The following NACC2 variants were observed in gnomAD, a reference collection of about 807,000 sequenced individuals.
The protein encoded by NACC2 is NACC family member 2.
In NACC2, 8 loss-of-function variants were observed where a neutral mutation model predicts 25.1. The ratio of observed to expected loss-of-function variants is 0.32; its 90% CI spans 0.19 to 0.57. NACC2 has a LOEUF of 0.57. NACC2 is among the 20% of genes least tolerant of loss of function. The probability of loss-of-function intolerance (pLI) is 0.89; values close to 1 mark genes in which losing one functional copy is unlikely to be tolerated. For missense variants in NACC2, 644 were observed against 650.2 expected (o/e 0.99, Z 0.10); for synonymous variants, 435 against 294.7 (o/e 1.48, Z -4.88).
At chr9:136,082,554 C>G (rs1830334999) in intron 1 of NACC2, among the ~76,000 whole-genome samples, 1 of 152,212 alleles carries the variant, frequency 6.6e-6, no homozygotes, top group Admixed American at 6.5e-5. Context: ...GGGTCTGGCC[C>G]TCGGAGCCCG....
intron 1 of NACC2, among the ~76,000 whole-genome samples, chr9:136,051,488 G>A (rs1410039393): frequency 1.3e-5 from 2 of 152,186 alleles, no homozygotes; most frequent in Non-Finnish European, 2.9e-5. Context: ...GGAGGGCGCC[G>A]CTGTTTATCT....
intron 2 of NACC2, among the ~76,000 whole-genome samples, chr9:136,023,811 A>AG (rs1173494913): frequency 1.3e-5 from 2 of 152,254 alleles, no homozygotes; most frequent in Non-Finnish European, 2.9e-5. Flanking sequence ...GGTCACTGTG[A>AG]AGACACTAGC....
At chr9:136,056,395 C>T (rs1024883706) in intron 1 of NACC2, among the ~76,000 whole-genome samples, 1 of 152,166 alleles carries the variant, frequency 6.6e-6, no homozygotes, top group South Asian at 2.1e-4. Flanking sequence ...GTGCTCACCT[C>T]CCCGCTACTG....
At position 136,049,828 on chromosome 9, in the gene NACC2, G is replaced by C; in HGVS notation, c.694C>G (p.Leu232Val). 2 of 724,706 alleles carry C rather than the reference G, an allele frequency of 2.8e-6. No homozygotes were observed. Among genetic ancestry groups the C allele is most frequent in the South Asian group, 2.9e-5 (2 of 69,420 alleles). The allele number at this position is 724,706 out of a possible 1,614,324, so 44.9% of individuals were successfully genotyped here. A position where few individuals can be genotyped will look rare whatever the true frequency, so the allele number is the denominator to read the frequency against. Reference sequence around the variant, plus strand: ...GGCATCTGCTGGATGCCGGGGATGAGGGTGGCCAGGCTGGGCACCCCGTAG... The same window carrying C: ...GGCATCTGCTGGATGCCGGGGATGACGGTGGCCAGGCTGGGCACCCCGTAG... ...SYYGVPSLAT[L>V]IPGIQQMPYP... is the part of the protein sequence containing the mutation. Residue 232 changes from leucine (L) to valine (V), a missense_variant, in exon 2 of 6, where the codon CTC becomes GTC. Transcript: ENST00000277554.
rs978723036 is a variant in NACC2 at position 136,016,518 on chromosome 9, G to A, written c.887-89C>T. 11 of 1,516,190 alleles carry A rather than the reference G, an allele frequency of 7.3e-6. No homozygotes were observed. In the African/African-American group the frequency reaches 1.2e-4, roughly 17 times the overall value. 93.9% of individuals were successfully genotyped at this position (1,516,190 alleles called of 1,614,324 possible). The stretch of plus-strand genomic sequence containing the variant: ...CCGCCTGCCCTCCATGCTCCCTGGG[G>A]CCTGTGTTAGACCCACTCTGCCCAC... On this transcript the variant is annotated intron_variant, in intron 2 of 5. Transcript: ENST00000277554.
At chr9:136,062,146 AC>A (rs1251220390) in intron 1 of NACC2, among the ~76,000 whole-genome samples, 6 of 151,542 alleles carry the variant, frequency 4.0e-5, no homozygotes, top group Non-Finnish European at 5.9e-5. Flanking sequence ...ACAGGACAGG[AC>A]AGGACAGGAC....
intron 2 of NACC2, among the ~76,000 whole-genome samples, chr9:136,028,288 A>G (rs1387487450): frequency 6.6e-6 from 1 of 151,982 alleles, no homozygotes; most frequent in Non-Finnish European, 1.5e-5. Context: ...GGGCTGGCAA[A>G]CTTCTGCTGG....
chr9:136,050,633 C>T (rs924314213), intron 1 of NACC2, 53 bp from the exon 2 acceptor site: 332 of 677,378 alleles, frequency 4.9e-4, no homozygotes, highest in Non-Finnish European at 3.0e-4. Flanking sequence ...GGGCTCCCCG[C>T]TCAAGGGGCC....
rs1019688503 is a variant in NACC2, at chr9:136,010,694, G to A, written c.*822C>T. 3.3e-5 allele frequency: 5 copies of A among 152,290 alleles called. No individual in the cohort carries two copies. The highest frequency in any genetic ancestry group is 1.2e-4 in the African/African-American group (5 of 41,466). The allele number at this position is 152,290 out of a possible 1,614,324, so 9.4% of individuals were successfully genotyped here. On this transcript the variant is annotated 3_prime_UTR_variant, in exon 6 of 6. Coordinates refer to ENST00000277554, the MANE Select transcript of NACC2 (RefSeq NM_144653.5). The surrounding 1 kb of genome is among the most constrained non-coding windows in gnomAD (Gnocchi z 4.9). ...AGACAAGCATAATCCCAAAGTGGCT[G>A]AGGCGGCAGAGGGCAGCGTGTGCTA...
chr9:136,047,267 G>A (rs965133577), intron 2 of NACC2, among the ~76,000 whole-genome samples: 3 of 151,968 alleles, frequency 2.0e-5, no homozygotes, highest in Non-Finnish European at 4.4e-5. Flanking sequence ...GTCAGGCGAC[G>A]GCCCCTCCCT....
At chr9:136,046,051 GA>G (rs1840719340) in intron 2 of NACC2, among the ~76,000 whole-genome samples, 1 of 152,198 alleles carries the variant, frequency 6.6e-6, no homozygotes, top group African/African-American at 2.4e-5. Flanking sequence ...GGTACGCGAG[GA>G]AGAGGGCCCG....
At chr9:136,050,922 T>TG (rs1278979629) in intron 1 of NACC2, among the ~76,000 whole-genome samples, 3 of 151,576 alleles carry the variant, frequency 2.0e-5, no homozygotes, top group Middle Eastern at 3.4e-3. Flanking sequence ...GGACAGGAGG[T>TG]GGGGGCCGCC....
At position 136,022,997 on chromosome 9, in the gene NACC2, G is replaced by A. The variant is rs1325279708; in HGVS notation, c.887-6568C>T. 2.2e-5 allele frequency among the ~76,000 whole-genome samples: 3 copies of A among 133,400 alleles called. No homozygotes were observed. Among genetic ancestry groups the A allele is most frequent in the Non-Finnish European group, 3.1e-5 (2 of 63,648 alleles). 87.5% of individuals were successfully genotyped at this position (133,400 alleles called of 152,430 possible). A position where few individuals can be genotyped will look rare whatever the true frequency, so the allele number is the denominator to read the frequency against. ...AAAGCCCAGCAGGGAAAGCCAGGAGGAAGAAAAATGAAGGCAGAGAGGGAC... is the reference window on the plus strand; with the variant it reads ...AAAGCCCAGCAGGGAAAGCCAGGAGAAAGAAAAATGAAGGCAGAGAGGGAC... On this transcript the variant is annotated intron_variant, in intron 2 of 5. Coordinates refer to ENST00000277554, the MANE Select transcript of NACC2 (RefSeq NM_144653.5). The surrounding 1 kb of genome is among the most constrained non-coding windows in gnomAD (Gnocchi z 4.4).
At chr9:136,078,320 TG>T (rs1830284706) in intron 1 of NACC2, among the ~76,000 whole-genome samples, 1 of 152,172 alleles carries the variant, frequency 6.6e-6, no homozygotes, top group Non-Finnish European at 1.5e-5. Flanking sequence ...TCCCTCGGAA[TG>T]CAGAATTCAT....
In NACC2 at chr9:136,007,352, C is replaced by CACACAGACACACGCGTGCACACAT. The variant is rs1840029773; in HGVS notation, c.*4140_*4163dup. The CACACAGACACACGCGTGCACACAT allele has an allele frequency of 1.3e-5, 2 of 152,182 alleles. No individual in the cohort carries two copies. Among genetic ancestry groups the CACACAGACACACGCGTGCACACAT allele is most frequent in the African/African-American group, 4.8e-5 (2 of 41,304 alleles). The allele number at this position is 152,182 out of a possible 1,614,324, so 9.4% of individuals were successfully genotyped here. On this transcript the variant is annotated 3_prime_UTR_variant, in exon 6 of 6. Coordinates refer to ENST00000277554, the MANE Select transcript of NACC2 (RefSeq NM_144653.5). Reference sequence around the variant, plus strand: ...GTGGTGACGTGCACGCGCGTGCACACACACAGACACACGCGTGCACACATA... The same window carrying CACACAGACACACGCGTGCACACAT: ...GTGGTGACGTGCACGCGCGTGCACACACACAGACACACGCGTGCACACATACACAGACACACGCGTGCACACATA...
chr9:136,074,118 T>C lies in NACC2; in HGVS notation c.-60+21071A>G, dbSNP rs149932256. 1.5e-3 allele frequency among the ~76,000 whole-genome samples: 231 copies of C among 151,206 alleles called. 1 individual carries two copies. Among genetic ancestry groups the C allele is most frequent in the African/African-American group, 5.4e-3 (222 of 41,114 alleles). ...TCCAGGAGTGAGAGACCAGGAGAGA[T>C]GGTAAGATTATAGTCTCCACAAATA... On this transcript the variant is annotated intron_variant, in intron 1 of 5. Transcript: ENST00000277554.
chr9:136,060,855 A>G (rs1840999406), intron 1 of NACC2, among the ~76,000 whole-genome samples: 1 of 152,196 alleles, frequency 6.6e-6, no homozygotes, highest in African/African-American at 2.4e-5. Context: ...GGGATCTGCC[A>G]GCCGACTAGA....
intron 1 of NACC2, among the ~76,000 whole-genome samples, chr9:136,051,981 G>A (rs1840852059): frequency 6.6e-6 from 1 of 152,104 alleles, no homozygotes; most frequent in African/African-American, 2.4e-5. Context: ...CAGCTCAGCT[G>A]CACCCAGGCC....
At chr9:136,071,966 G>A (rs181270107) in intron 1 of NACC2, among the ~76,000 whole-genome samples, 171 of 152,264 alleles carry the variant, frequency 1.1e-3, no homozygotes, top group Middle Eastern at 3.4e-3. Flanking sequence ...GGCCAGGCAC[G>A]GTGGCTCGAG....
Sources: allele counts gnomAD v4.1 joint callset (sites outside exome capture counted in the v4.1 genomes callset), GRCh38; gene constraint gnomAD v4.1.1; non-coding constraint Gnocchi (gnomAD v3.1); transcripts MANE v1.5; gene names NCBI Gene and HGNC (gene_info 2026-07-23, HGNC 2026-07-21).